The following FNDC3B variants were observed in gnomAD, a reference collection of about 807,000 sequenced individuals.
The protein encoded by FNDC3B is fibronectin type III domain containing 3B.
In FNDC3B, 12 loss-of-function variants were observed where a neutral mutation model predicts 151.5. That is an observed-to-expected ratio of 0.08 (90% confidence interval 0.05 to 0.13). The LOEUF (loss-of-function observed/expected upper bound fraction) is 0.13, where lower values mean the gene tolerates loss of function less well. Among genes scored for constraint, FNDC3B ranks in the 10% least tolerant of loss-of-function variants. The pLI is 1.00. For missense variants in FNDC3B, 1,214 were observed against 1,505.3 expected (o/e 0.81, Z 3.20); for synonymous variants, 528 against 549.0 (o/e 0.96, Z 0.54).
intron 1 of FNDC3B, among the ~76,000 whole-genome samples, chr3:172,098,016 A>ATT (rs755392197): frequency 6.9e-5 from 10 of 145,340 alleles, no homozygotes; most frequent in Non-Finnish European, 1.2e-4. Context: ...GCTGCAAGAA[A>ATT]TTTTTTTTTT....
At chr3:172,372,299 C>A (rs2108358346) in intron 23 of FNDC3B, among the ~76,000 whole-genome samples, 1 of 152,236 alleles carries the variant, frequency 6.6e-6, no homozygotes, top group South Asian at 2.1e-4. Flanking sequence ...GCACAGGCAG[C>A]AGGGGATGGA....
chr3:172,353,308 C>T (rs1189909983), intron 22 of FNDC3B, among the ~76,000 whole-genome samples: 3 of 152,142 alleles, frequency 2.0e-5, no homozygotes, highest in Admixed American at 1.3e-4. Flanking sequence ...TAACCTGCAC[C>T]GTCTCTACCC....
chr3:172,228,374 T>C lies in FNDC3B; in HGVS notation c.264+1427T>C, dbSNP rs561703601. Among the ~76,000 whole-genome samples the C allele has an allele frequency of 1.2e-4, 18 of 152,338 alleles. No individual in the cohort carries two copies. The South Asian group carries it at 3.5e-3, about 30-fold the overall frequency. ...ATTGAATAGAGTACAGTTCTCACCA[T>C]TGTGACGCAAAAATAACACCTCCTT... On this transcript the variant is annotated intron_variant, in intron 4 of 25. Transcript: ENST00000415807.
chr3:172,281,277 G>A (rs186292988), intron 6 of FNDC3B, among the ~76,000 whole-genome samples: 14,516 of 149,606 alleles, frequency 0.097, 787 homozygotes, highest in African/African-American at 0.14. Context: ...ACGGAGTCTT[G>A]CTCTGTTGCC....
chr3:172,338,720 G>GGTTTT lies in FNDC3B; in HGVS notation c.1852+1345_1852+1349dup, dbSNP rs548549672. On this transcript the variant is annotated intron_variant, in intron 16 of 25. Transcript: ENST00000415807. ...CTGTAATAATCTCTCTAACTATTAA[G>GGTTTT]GTTTTGTTTTGTTTTGTTTTGTTTT... is the stretch of plus-strand genomic sequence containing the variant. Among the ~76,000 whole-genome samples the GGTTTT allele has an allele frequency of 8.4e-3, 1,271 of 152,134 alleles. 12 individuals carry two copies. The highest frequency in any genetic ancestry group is 0.04 in the South Asian group (190 of 4,810).
intron 4 of FNDC3B, among the ~76,000 whole-genome samples, chr3:172,231,879 GTT>G (rs33956893): frequency 4.8e-5 from 5 of 104,498 alleles, no homozygotes; most frequent in East Asian, 2.9e-4. Flanking sequence ...TTTATTTACC[GTT>G]TTTTTTTTTT....
chr3:172,269,848 A>T (rs1012446698), intron 6 of FNDC3B, among the ~76,000 whole-genome samples: 36 of 152,066 alleles, frequency 2.4e-4, no homozygotes, highest in African/African-American at 6.3e-4. Flanking sequence ...AGGGTTTCAC[A>T]GTGTTAGCCA....
Position 172,337,330 on chromosome 3 carries a change from A to G in FNDC3B, c.1781A>G (p.Asp594Gly). The G allele has an allele frequency of 1.3e-6, 2 of 1,597,036 alleles. No individual in the cohort carries two copies. Among genetic ancestry groups the G allele is most frequent in the Non-Finnish European group, 1.7e-6 (2 of 1,168,410 alleles). Residue 594 changes from aspartate to glycine, a missense_variant and splice_region_variant, in exon 16 of 26, where the codon GAT becomes GGT. Asp to Gly is a moderately conservative substitution (Grantham distance 94, BLOSUM62 -1). This residue lies in a region of FNDC3B where 380 missense variants were observed against 420.9 expected (regional missense o/e 0.90). Coordinates refer to ENST00000415807, the MANE Select transcript of FNDC3B (RefSeq NM_022763.4). ...AATAAGACATTTGGTTATTTTCCAG[A>G]TCCCCCTAAGGACAATGGTGGTTCA... ...VTSHGFSVKW[D>G]PPKDNGGSEI...
intron 2 of FNDC3B, among the ~76,000 whole-genome samples, chr3:172,115,244 G>C (rs1386485407): frequency 6.6e-6 from 1 of 152,224 alleles, no homozygotes; most frequent in Non-Finnish European, 1.5e-5. Flanking sequence ...GCGTGGTAGA[G>C]GCTTGGGGCC....
At chr3:172,283,306 C>T (rs1729836338) in intron 6 of FNDC3B, among the ~76,000 whole-genome samples, 1 of 152,002 alleles carries the variant, frequency 6.6e-6, no homozygotes, top group Non-Finnish European at 1.5e-5. Context: ...AAAAGCATAA[C>T]CATTTCTTCT....
intron 6 of FNDC3B, among the ~76,000 whole-genome samples, chr3:172,284,763 C>T (rs561329709): frequency 6.7e-6 from 1 of 149,326 alleles, no homozygotes; most frequent in African/African-American, 2.5e-5. Flanking sequence ...CTACAGCACC[C>T]ATCACAAGGC....
At chr3:172,170,526 A>G (rs150580544) in intron 3 of FNDC3B, among the ~76,000 whole-genome samples, 78 of 152,306 alleles carry the variant, frequency 5.1e-4, no homozygotes, top group African/African-American at 1.6e-3. Context: ...CTCCATTCCA[A>G]TAGGATCCCT....
chr3:172,045,023 G>A (rs1392787094), intron 1 of FNDC3B, among the ~76,000 whole-genome samples: 6 of 152,100 alleles, frequency 3.9e-5, no homozygotes, highest in East Asian at 1.9e-4. Context: ...GATCTAACTC[G>A]TACCTTTTCA....
At chr3:172,045,794 C>CTATATA in intron 1 of FNDC3B, among the ~76,000 whole-genome samples, 1 of 146,884 alleles carries the variant, frequency 6.8e-6, no homozygotes, top group South Asian at 2.2e-4. Flanking sequence ...CTCTCTCTCT[C>CTATATA]TATATATATA....
At chr3:172,381,512 G>A (rs1735434960) in intron 25 of FNDC3B, among the ~76,000 whole-genome samples, 3 of 151,124 alleles carry the variant, frequency 2.0e-5, no homozygotes, top group Admixed American at 2.0e-4. Context: ...GGATACATGT[G>A]TAGAATATGC....
chr3:172,071,338 A>G (rs1717764817), intron 1 of FNDC3B, among the ~76,000 whole-genome samples: 1 of 152,216 alleles, frequency 6.6e-6, no homozygotes, highest in Non-Finnish European at 1.5e-5. Flanking sequence ...GCAGGTTTCC[A>G]TTCAAGCAAA....
chr3:172,249,847 A>G (rs1216697942), intron 5 of FNDC3B, among the ~76,000 whole-genome samples: 1 of 152,236 alleles, frequency 6.6e-6, no homozygotes, highest in East Asian at 1.9e-4. Flanking sequence ...ACAGTAAGAA[A>G]CAGTGGAGCT....
chr3:172,112,699 T>C (rs1323999325), intron 2 of FNDC3B, 109 bp downstream of exon 2: 11 of 768,368 alleles, frequency 1.4e-5, no homozygotes, highest in African/African-American at 3.4e-5. Flanking sequence ...AACCTTAGCA[T>C]TTCTAGAGGT....
intron 6 of FNDC3B, among the ~76,000 whole-genome samples, chr3:172,283,351 G>A (rs112824860): frequency 0.061 from 9,234 of 152,088 alleles, 356 homozygotes; most frequent in Non-Finnish European, 0.075. Context: ...GGGAGGGGGC[G>A]TTCCAGTTTT....
Sources: gnomAD v4.1 joint callset for allele counts (sites outside exome capture counted in the v4.1 genomes callset) on GRCh38, gnomAD v4.1.1 for gene constraint, gnomAD v4.1.1 regional missense constraint, MANE v1.5 for transcripts, NCBI Gene and HGNC (gene_info 2026-07-23, HGNC 2026-07-21) for gene names.